Variants in DLC1 observed in about 807,000 individuals in gnomAD.
DLC1 encodes the protein rho GTPase-activating protein 7.
DLC1 carries 54 observed loss-of-function variants against 140.3 expected under a neutral mutation model. That is an observed-to-expected ratio of 0.38 (90% confidence interval 0.31 to 0.48). The LOEUF is 0.48. Ranked by LOEUF, DLC1 falls within the 20% of genes least tolerant of loss-of-function variation. The pLI, the probability that DLC1 is intolerant of heterozygous loss-of-function variation, is 0.96. For synonymous variants in DLC1, 986 were observed against 728.1 expected (o/e 1.35, Z -5.70); for missense variants, 2,536 against 1,907.0 (o/e 1.33, Z -6.14).
intron 2 of DLC1, among the ~76,000 whole-genome samples, chr8:13,404,494 A>G (rs1459204049): frequency 6.6e-6 from 1 of 152,186 alleles, no homozygotes; most frequent in Non-Finnish European, 1.5e-5. Flanking sequence ...AGAAACATTG[A>G]TAGTTACATA....
intron 3 of DLC1, among the ~76,000 whole-genome samples, chr8:13,395,395 C>G (rs553999669): frequency 6.6e-6 from 1 of 152,102 alleles, no homozygotes; most frequent in Non-Finnish European, 1.5e-5. Context: ...GCTGGGATTG[C>G]GCGCATGAGC....
intron 5 of DLC1, among the ~76,000 whole-genome samples, chr8:13,185,287 T>TG (rs1194730156): frequency 7.2e-4 from 101 of 140,874 alleles, no homozygotes; most frequent in African/African-American, 2.7e-3. Context: ...TTTTCTGTTT[T>TG]TTTTGTTTGT....
intron 2 of DLC1, among the ~76,000 whole-genome samples, chr8:13,450,924 A>C (rs2116968180): frequency 6.6e-6 from 1 of 151,484 alleles, no homozygotes; most frequent in South Asian, 2.1e-4. Flanking sequence ...CTGTAGTCCC[A>C]GCTACTCTGG....
intron 5 of DLC1, among the ~76,000 whole-genome samples, chr8:13,191,954 A>ATTATTT (rs1554466555): frequency 1.6e-4 from 24 of 149,400 alleles, no homozygotes; most frequent in Non-Finnish European, 1.3e-4. Flanking sequence ...TATTATTATT[A>ATTATTT]TTATTTTTAT....
intron 4 of DLC1, among the ~76,000 whole-genome samples, chr8:13,352,005 A>G (rs1039389321): frequency 6.6e-6 from 1 of 152,208 alleles, no homozygotes; most frequent in East Asian, 1.9e-4. Context: ...AAGTGCTGGG[A>G]TTACAGGCAT....
rs34803037 is a variant in DLC1 at position 13,423,716 on chromosome 8, G to C, written c.1024-22097C>G. 1.8e-3 allele frequency among the ~76,000 whole-genome samples: 275 copies of C among 152,098 alleles called. 2 individuals carry two copies. The highest frequency in any genetic ancestry group is 6.2e-3 in the African/African-American group (258 of 41,518). ...ATTTACATTTTATTCAACCACAGATGTTTACTGATGACTAAAAGGGCAAAT... is the reference window on the plus strand; with the variant it reads ...ATTTACATTTTATTCAACCACAGATCTTTACTGATGACTAAAAGGGCAAAT... On this transcript the variant is annotated intron_variant, in intron 2 of 17. Transcript: ENST00000276297.
At chr8:13,520,159 A>G (rs2117282065) in intron 1 of DLC1, among the ~76,000 whole-genome samples, 1 of 152,354 alleles carries the variant, frequency 6.6e-6, no homozygotes, top group Non-Finnish European at 1.5e-5. Context: ...TTCTACGATA[A>G]AGACACATGC....
At chr8:13,112,105 T>G (rs1820167242) in intron 6 of DLC1, among the ~76,000 whole-genome samples, 1 of 152,130 alleles carries the variant, frequency 6.6e-6, no homozygotes, top group African/African-American at 2.4e-5. Flanking sequence ...GAACTCTGAT[T>G]ATACCATTGC....
chr8:13,138,963 A>C (rs10503438), intron 5 of DLC1, among the ~76,000 whole-genome samples: 9,148 of 152,144 alleles, frequency 0.06, 380 homozygotes, highest in Non-Finnish European at 0.086. Flanking sequence ...AATATAGGGA[A>C]GTTTAATTTA....
chr8:13,305,834 C>G (rs75460670), intron 4 of DLC1, among the ~76,000 whole-genome samples: 2 of 151,734 alleles, frequency 1.3e-5, no homozygotes, highest in East Asian at 3.9e-4. Context: ...CAGACCCCAT[C>G]GCAAACAAAC....
At chr8:13,562,648 G>A (rs1178410715) in intron 1 of DLC1, among the ~76,000 whole-genome samples, 1 of 152,138 alleles carries the variant, frequency 6.6e-6, no homozygotes, top group African/African-American at 2.4e-5. Context: ...TGCCTGTGGA[G>A]GGGGATTTGG....
At chr8:13,354,368 G>C (rs1834823091) in intron 4 of DLC1, among the ~76,000 whole-genome samples, 1 of 152,118 alleles carries the variant, frequency 6.6e-6, no homozygotes, top group East Asian at 1.9e-4. Flanking sequence ...TGAAAGCAGG[G>C]AATGAGACTA....
chr8:13,158,622 G>C (rs1824428250), intron 5 of DLC1, among the ~76,000 whole-genome samples: 1 of 151,850 alleles, frequency 6.6e-6, no homozygotes, highest in South Asian at 2.1e-4. Context: ...ACATTTTAAA[G>C]GGAGGGACAG....
At chr8:13,343,784 G>T (rs1834183717) in intron 4 of DLC1, among the ~76,000 whole-genome samples, 1 of 152,134 alleles carries the variant, frequency 6.6e-6, no homozygotes, top group Admixed American at 6.5e-5. Flanking sequence ...AAGGCCTTTG[G>T]TTCAATTGAT....
At chr8:13,494,184 C>G (rs1312077483) in intron 2 of DLC1, among the ~76,000 whole-genome samples, 1 of 152,194 alleles carries the variant, frequency 6.6e-6, no homozygotes, top group Non-Finnish European at 1.5e-5. Context: ...TTGGTTATTT[C>G]TTTCACAACG....
intron 4 of DLC1, among the ~76,000 whole-genome samples, chr8:13,391,829 C>T (rs1000877632): frequency 6.6e-6 from 1 of 151,496 alleles, no homozygotes; most frequent in African/African-American, 2.4e-5. Context: ...AGGATACTAA[C>T]AGGTGCTTTA....
At chr8:13,480,469 T>G (rs1481693) in intron 2 of DLC1, among the ~76,000 whole-genome samples, 147,456 of 152,258 alleles carry the variant, frequency 0.97, 71,566 homozygotes, top group East Asian at 1. Flanking sequence ...TCTTCTTCCT[T>G]TGGGTCCAAT....
Position 13,100,321 on chromosome 8 carries a change from C to G in DLC1, c.2016G>C (p.Glu672Asp), listed in dbSNP as rs751109531. The G allele has an allele frequency of 1.9e-6, 3 of 1,614,058 alleles. No homozygotes were observed. Among genetic ancestry groups the G allele is most frequent in the Admixed American group, 1.7e-5 (1 of 60,006 alleles). Reference protein sequence around the residue: ...SKTRSLLKRMESLKLKSSHHS... With the variant: ...SKTRSLLKRMDSLKLKSSHHS... ...GATGGGAGCTCTTGAGCTTCAGGCT[C>G]TCCATCCGTTTCAGCAGACTGCGCG... Residue 672 changes from glutamate to aspartate, a missense_variant, in exon 9 of 18, where the codon GAG becomes GAC. Glu to Asp is a conservative substitution (Grantham distance 45). Transcript: ENST00000276297.
intron 3 of DLC1, among the ~76,000 whole-genome samples, chr8:13,399,564 A>G (rs1490955749): frequency 6.6e-6 from 1 of 152,114 alleles, no homozygotes; most frequent in East Asian, 1.9e-4. Context: ...TCATCCTATG[A>G]GATTGGCTAT....
Sources: allele counts gnomAD v4.1 joint callset (sites outside exome capture counted in the v4.1 genomes callset), GRCh38; gene constraint gnomAD v4.1.1; transcripts MANE v1.5; gene names NCBI Gene and HGNC (gene_info 2026-07-23, HGNC 2026-07-21).